Variants in DNAJC10 observed in about 807,000 individuals in gnomAD.
DNAJC10 encodes the protein DnaJ heat shock protein family (Hsp40) member C10, also known as endoplasmic reticulum disulfide reductase DNAJC10.
In DNAJC10, 101 loss-of-function variants were observed where a neutral mutation model predicts 115.0. That is an observed-to-expected ratio of 0.88 (90% CI 0.75 to 1.04). DNAJC10 has a LOEUF of 1.04. Among genes scored for constraint, DNAJC10 ranks in the 50% least tolerant of loss-of-function variants. The pLI is 0.00. For synonymous variants in DNAJC10, 307 were observed against 301.5 expected (o/e 1.02, Z -0.19); for missense variants, 981 against 928.8 (o/e 1.06, Z -0.73).
intron 19 of DNAJC10, among the ~76,000 whole-genome samples, chr2:182,758,582 A>G (rs532542251): frequency 2.4e-4 from 36 of 152,312 alleles, no homozygotes; most frequent in African/African-American, 6.3e-4. Flanking sequence ...CGCAATTCCC[A>G]TAGGTCTACA....
chr2:182,741,277 T>G lies in DNAJC10; in HGVS notation c.1112T>G (p.Phe371Cys). ...GCTCATCATCGGTGGCTGTTATTTT[T>G]TCATTTTGGAAAAAATGAAAATTCA... ...RLAHHRWLLF[F>C]HFGKNENSND... The change falls in exon 13 of 24, where the codon TTT (phenylalanine) becomes TGT (cysteine). Residue 371 changes from phenylalanine to cysteine, a missense_variant. Coordinates refer to ENST00000264065, the MANE Select transcript of DNAJC10 (RefSeq NM_018981.4). 6.2e-7 allele frequency: 1 copy of G among 1,605,836 alleles called. No homozygotes were observed. The highest frequency in any genetic ancestry group is 8.5e-7 in the Non-Finnish European group (1 of 1,177,370).
intron 5 of DNAJC10, among the ~76,000 whole-genome samples, chr2:182,726,222 G>A (rs1377791859): frequency 2.0e-5 from 3 of 152,084 alleles, no homozygotes; most frequent in Non-Finnish European, 4.4e-5. Context: ...AAGAGAACTG[G>A]AATTAGAAGT....
At chr2:182,761,536 T>G (rs1439191682) in intron 21 of DNAJC10, among the ~76,000 whole-genome samples, 1 of 152,014 alleles carries the variant, frequency 6.6e-6, no homozygotes, top group East Asian at 1.9e-4. Context: ...TAATCAGGAT[T>G]AGGGCATTGG....
chr2:182,772,194 T>G (rs1280736578), intron 22 of DNAJC10, among the ~76,000 whole-genome samples: 3 of 152,238 alleles, frequency 2.0e-5, no homozygotes, highest in Admixed American at 2.0e-4. Context: ...CAATTTGTTG[T>G]GATTTCTGTT....
At position 182,790,387 on chromosome 2, in the gene DNAJC10, T is replaced by C. The variant is rs1006436655; in HGVS notation, c.*13255T>C. 1.3e-5 allele frequency: 2 copies of C among 152,210 alleles called. No individual in the cohort carries two copies. The highest frequency in any genetic ancestry group is 4.8e-5 in the African/African-American group (2 of 41,460). The allele number at this position is 152,210 out of a possible 1,614,324, so 9.4% of individuals were successfully genotyped here. On this transcript the variant is annotated 3_prime_UTR_variant, in exon 24 of 24. Transcript: ENST00000264065. ...TGAGAAAACTGCAAATCTAATACCT[T>C]GGTCTTACAGAACTGAACAATACTT... is the stretch of plus-strand genomic sequence containing the variant.
chr2:182,735,373 A>G (rs1693558326), intron 10 of DNAJC10, among the ~76,000 whole-genome samples: 1 of 152,010 alleles, frequency 6.6e-6, no homozygotes, highest in Non-Finnish European at 1.5e-5. Context: ...AAGTGAATAC[A>G]TCTTAAATGT....
At chr2:182,742,037 T>G (rs1423484250) in intron 13 of DNAJC10, among the ~76,000 whole-genome samples, 1 of 152,224 alleles carries the variant, frequency 6.6e-6, no homozygotes, top group East Asian at 1.9e-4. Flanking sequence ...CATGTACACA[T>G]GTATATCCTC....
At chr2:182,745,667 C>CA (rs1178776097) in intron 14 of DNAJC10, among the ~76,000 whole-genome samples, 1 of 151,266 alleles carries the variant, frequency 6.6e-6, no homozygotes, top group East Asian at 1.9e-4. Flanking sequence ...TTAGGGAAAA[C>CA]AGACAAGTAA....
intron 22 of DNAJC10, among the ~76,000 whole-genome samples, chr2:182,768,621 G>A (rs1222590339): frequency 6.6e-6 from 1 of 152,144 alleles, no homozygotes; most frequent in Admixed American, 6.5e-5. Flanking sequence ...CCAAGATTAA[G>A]ACAACAGGTG....
rs1427900892 is a variant in DNAJC10 at position 182,716,493 on chromosome 2, GGC to G, written c.-204+11_-204+12del. ...ACCCCGCGATGGCAAGGTGGGCATG[GGC>G]CCGGGGCTAGGGCTTTGCTGGAGCC... On this transcript the variant is annotated intron_variant, in intron 1 of 23. Coordinates refer to ENST00000264065, the MANE Select transcript of DNAJC10 (RefSeq NM_018981.4). The G allele has an allele frequency of 3.3e-5, 5 of 152,628 alleles. No individual in the cohort carries two copies. Among genetic ancestry groups the G allele is most frequent in the African/African-American group, 9.6e-5 (4 of 41,596 alleles). The allele number at this position is 152,628 out of a possible 1,614,324, so 9.5% of individuals were successfully genotyped here. A position where few individuals can be genotyped will look rare whatever the true frequency, so the allele number is the denominator to read the frequency against.
intron 13 of DNAJC10, among the ~76,000 whole-genome samples, chr2:182,743,021 AT>A (rs1421386805): frequency 1.3e-5 from 2 of 151,796 alleles, no homozygotes; most frequent in Non-Finnish European, 2.9e-5. Flanking sequence ...TAATTTTTGT[AT>A]TTTTAGTAGA....
Position 182,745,122 on chromosome 2 carries a change from G to T in DNAJC10, c.1306+1410G>T, listed in dbSNP as rs1693827886. On this transcript the variant is annotated intron_variant, in intron 14 of 23. Transcript: ENST00000264065. ...CTTATTTCTTATAGCATAAGCGTCA[G>T]ATTCCTTAGCATAGAAGCAATAATC... 2.0e-5 allele frequency among the ~76,000 whole-genome samples: 3 copies of T among 152,178 alleles called. No individual in the cohort carries two copies. The South Asian group carries it at 6.2e-4, about 31-fold the overall frequency.
intron 18 of DNAJC10, 152 bp from the exon 19 acceptor site, chr2:182,757,540 T>C (rs1379957410): frequency 4.3e-6 from 2 of 465,944 alleles, no homozygotes; most frequent in East Asian, 3.5e-5. Flanking sequence ...GTATAAATGG[T>C]CTATTATATG....
At chr2:182,771,378 A>T (rs1034709723) in intron 22 of DNAJC10, among the ~76,000 whole-genome samples, 1 of 152,088 alleles carries the variant, frequency 6.6e-6, no homozygotes, top group African/African-American at 2.4e-5. Context: ...GTTTCTATTG[A>T]TTGGAATAGT....
In DNAJC10 at chr2:182,787,877, C is replaced by G. The variant is rs1694977269; in HGVS notation, c.*10745C>G. 6.6e-6 allele frequency: 1 copy of G among 152,228 alleles called. No individual in the cohort carries two copies. The highest frequency in any genetic ancestry group is 6.6e-5 in the Admixed American group (1 of 15,258). The allele number at this position is 152,228 out of a possible 1,614,324, so 9.4% of individuals were successfully genotyped here. A position where few individuals can be genotyped will look rare whatever the true frequency, so the allele number is the denominator to read the frequency against. On this transcript the variant is annotated 3_prime_UTR_variant, in exon 24 of 24. Coordinates refer to ENST00000264065, the MANE Select transcript of DNAJC10 (RefSeq NM_018981.4). Reference sequence around the variant, plus strand: ...TCCAGGCTGCAGTGAGCCGTGATCACACCACTGCACTCCAGACTGGGAGGC... The same window carrying G: ...TCCAGGCTGCAGTGAGCCGTGATCAGACCACTGCACTCCAGACTGGGAGGC...
chr2:182,767,034 C>T (rs1198205738), intron 22 of DNAJC10, among the ~76,000 whole-genome samples: 1 of 152,056 alleles, frequency 6.6e-6, no homozygotes, highest in Non-Finnish European at 1.5e-5. Context: ...AGGAGCACCC[C>T]CGTGCTGTTC....
chr2:182,762,915 A>G lies in DNAJC10; in HGVS notation c.2265+114A>G, dbSNP rs975275047. ...CTCATCCTTGTCATTTTTTTATATT[A>G]TTACATATTACTGATACAAGTTTTT... On this transcript the variant is annotated intron_variant, in intron 22 of 23. Transcript: ENST00000264065. 3.5e-5 allele frequency: 41 copies of G among 1,169,628 alleles called. No individual in the cohort carries two copies. In the African/African-American group the frequency reaches 5.8e-4, roughly 17 times the overall value. The allele number at this position is 1,169,628 out of a possible 1,614,324, so 72.5% of individuals were successfully genotyped here. A position where few individuals can be genotyped will look rare whatever the true frequency, so the allele number is the denominator to read the frequency against.
rs1289864313 is a variant in DNAJC10 at position 182,785,021 on chromosome 2, TG to T, written c.*7890del. 1.3e-5 allele frequency: 2 copies of T among 152,240 alleles called. No individual in the cohort carries two copies. The highest frequency in any genetic ancestry group is 4.8e-5 in the African/African-American group (2 of 41,476). The allele number at this position is 152,240 out of a possible 1,614,324, so 9.4% of individuals were successfully genotyped here. ...AATATCCTGAATTATCAGTCAGTTA[TG>T]TTTGACTATGAGAAATTGCAGAAAA... On this transcript the variant is annotated 3_prime_UTR_variant, in exon 24 of 24. Coordinates refer to ENST00000264065, the MANE Select transcript of DNAJC10 (RefSeq NM_018981.4).
chr2:182,718,215 CA>C lies in DNAJC10; in HGVS notation c.133del (p.Thr45LeufsTer7). The C allele has an allele frequency of 6.2e-7, 1 of 1,613,084 alleles. No homozygotes were observed. The highest frequency in any genetic ancestry group is 8.5e-7 in the Non-Finnish European group (1 of 1,179,696). On this transcript the variant is annotated frameshift_variant, in exon 3 of 24. Coordinates refer to ENST00000264065, the MANE Select transcript of DNAJC10 (RefSeq NM_018981.4). LOFTEE classifies it high-confidence loss of function. The part of the protein sequence containing the change: ...QDFYSLLGVS[K>X]TASSREIRQA... Reference sequence around the variant, plus strand: ...ATTTTTACAGTTTACTTGGAGTGTCCAAAACTGCAAGCAGTAGAGAAATAAG... The same window carrying C: ...ATTTTTACAGTTTACTTGGAGTGTCCAAACTGCAAGCAGTAGAGAAATAAG...
Sources: allele counts gnomAD v4.1 joint callset (sites outside exome capture counted in the v4.1 genomes callset), GRCh38; gene constraint gnomAD v4.1.1; transcripts MANE v1.5; gene names NCBI Gene and HGNC (gene_info 2026-07-23, HGNC 2026-07-21).